Variants in OR11H4 observed in about 807,000 individuals in gnomAD.
The protein encoded by OR11H4 is olfactory receptor 11H4.
For synonymous variants in OR11H4, 162 were observed against 142.3 expected (o/e 1.14, Z -0.98); for missense variants, 460 against 371.1 (o/e 1.24, Z -1.97).
intron 1 of OR11H4, among the ~76,000 whole-genome samples, chr14:20,242,053 G>A (rs8009898): frequency 0.25 from 38,573 of 151,582 alleles, 4,970 homozygotes; most frequent in Middle Eastern, 0.28. Context: ...GTTCCCAGGG[G>A]CAAGCAGGAG....
At chr14:20,242,677 T>A (rs1880960714) in intron 1 of OR11H4, 134 bp from the exon 2 acceptor site, 2 of 998,738 alleles carry the variant, frequency 2.0e-6, no homozygotes, top group Admixed American at 4.7e-5. Context: ...TATTCCCACC[T>A]GGTCTCAGAT....
At position 20,243,282 on chromosome 14, in the gene OR11H4, T is replaced by C. The variant is rs1479251035; in HGVS notation, c.461T>C (p.Leu154Pro). Residue 154 changes from leucine (L) to proline (P), a missense_variant, in exon 2 of 2, where the codon CTT becomes CCT. Physicochemically the swap from Leu to Pro is moderately conservative, Grantham distance 98. Coordinates refer to ENST00000641082, the MANE Select transcript of OR11H4 (RefSeq NM_001004479.2). Reference protein sequence around the residue: ...LVSFCWLIGFLGYPIPIFYIS... With the variant: ...LVSFCWLIGFPGYPIPIFYIS... ...TCTTTCTGTTGGCTTATTGGATTCC[T>C]TGGATACCCAATTCCCATTTTCTAC... is the stretch of plus-strand genomic sequence containing the variant. 4 of 1,614,150 alleles carry C rather than the reference T, an allele frequency of 2.5e-6. No individual in the cohort carries two copies. Among genetic ancestry groups the C allele is most frequent in the Non-Finnish European group, 2.5e-6 (3 of 1,179,990 alleles).
intron 1 of OR11H4, among the ~76,000 whole-genome samples, chr14:20,240,883 C>T (rs1025921072): frequency 6.6e-6 from 1 of 151,952 alleles, no homozygotes; most frequent in African/African-American, 2.4e-5. Flanking sequence ...GCCAAAACTA[C>T]CACTTTTTTA....
rs185062281 is a variant in OR11H4, at chr14:20,241,982, G to A, written c.-11-829G>A. Among the ~76,000 whole-genome samples the A allele has an allele frequency of 1.3e-3, 203 of 152,080 alleles. 1 individual carries two copies. Among genetic ancestry groups the A allele is most frequent in the East Asian group, 3.7e-3 (19 of 5,154 alleles). On this transcript the variant is annotated intron_variant, in intron 1 of 1. Coordinates refer to ENST00000641082, the MANE Select transcript of OR11H4 (RefSeq NM_001004479.2). ...CATGTCTCGCTTCCCACCATAGGGC[G>A]GTTTTTCTCCTATCTCAGAATTGAA...
intron 1 of OR11H4, 138 bp from the exon 2 acceptor site, chr14:20,242,673 C>T: frequency 1.0e-6 from 1 of 960,632 alleles, no homozygotes; most frequent in Non-Finnish European, 1.6e-6. Context: ...GACATATTCC[C>T]ACCTGGTCTC....
chr14:20,242,145 C>A (rs8005691), intron 1 of OR11H4, among the ~76,000 whole-genome samples: 11,533 of 151,278 alleles, frequency 0.076, 895 homozygotes, highest in South Asian at 0.19. Context: ...TACGGGTGTC[C>A]GGCTGGGGGA....
Position 20,243,283 on chromosome 14 carries a change from TG to T in OR11H4, c.464del (p.Gly155AspfsTer30). On this transcript the variant is annotated frameshift_variant, in exon 2 of 2. Coordinates refer to ENST00000641082, the MANE Select transcript of OR11H4 (RefSeq NM_001004479.2). LOFTEE classifies it low-confidence loss of function (END_TRUNC). The stretch of plus-strand genomic sequence containing the variant: ...CTTTCTGTTGGCTTATTGGATTCCT[TG>T]GATACCCAATTCCCATTTTCTACAT... ...VSFCWLIGFL[G>X]YPIPIFYISQ... is the part of the protein sequence containing the mutation. The T allele has an allele frequency of 1.2e-6, 2 of 1,614,154 alleles. No homozygotes were observed. The highest frequency in any genetic ancestry group is 2.2e-5 in the South Asian group (2 of 91,078).
intron 1 of OR11H4, among the ~76,000 whole-genome samples, chr14:20,241,725 C>G (rs1312398240): frequency 2.0e-5 from 3 of 152,060 alleles, no homozygotes; most frequent in Non-Finnish European, 4.4e-5. Context: ...TCTGAGTTCC[C>G]TCAGTTTTTA....
In OR11H4 at chr14:20,243,836, T is replaced by A; in HGVS notation, c.*70T>A. The A allele has an allele frequency of 6.9e-7, 1 of 1,451,526 alleles. No homozygotes were observed. 89.9% of individuals were successfully genotyped at this position (1,451,526 alleles called of 1,614,324 possible). On this transcript the variant is annotated 3_prime_UTR_variant, in exon 2 of 2. Coordinates refer to ENST00000641082, the MANE Select transcript of OR11H4 (RefSeq NM_001004479.2). ...CGAGATGTTGTCAGTTCTTTAGCAG[T>A]CTTTCAGTCCTCAGTCTGAGTAGTT...
At position 20,243,321 on chromosome 14, in the gene OR11H4, C is replaced by T. The variant is rs746462792; in HGVS notation, c.500C>T (p.Pro167Leu). ...PIPIFYISQL[P>L]FCGPNIIDHF... ...CCCATTTTCTACATCTCCCAACTCC[C>T]CTTCTGTGGTCCTAATATCATTGAT... is the stretch of plus-strand genomic sequence containing the variant. The change falls in exon 2 of 2, where the codon CCC becomes CTC. Residue 167 changes from proline to leucine, a missense_variant. Coordinates refer to ENST00000641082, the MANE Select transcript of OR11H4 (RefSeq NM_001004479.2). 20 of 1,613,904 alleles carry T rather than the reference C, an allele frequency of 1.2e-5. No individual in the cohort carries two copies. In the African/African-American group the frequency reaches 2.4e-4, roughly 19 times the overall value.
intron 1 of OR11H4, among the ~76,000 whole-genome samples, chr14:20,241,809 G>A (rs926391699): frequency 2.9e-4 from 44 of 152,128 alleles, no homozygotes; most frequent in African/African-American, 9.4e-4. Flanking sequence ...GAGAAGGTCA[G>A]CAAAAAACAT....
Position 20,243,068 on chromosome 14 carries a change from G to A in OR11H4, c.247G>A (p.Val83Ile). The change falls in exon 2 of 2, where the codon GTC becomes ATC. Residue 83 changes from valine (V) to isoleucine (I), a missense_variant. Physicochemically the swap from Val to Ile is conservative, Grantham distance 29. Transcript: ENST00000641082. ...YVSSTIPNML[V>I]NILSKTKAIS... ...GTCCTCCACTATTCCTAACATGCTA[G>A]TCAACATTCTCTCCAAGACCAAGGC... 1 of 1,614,108 alleles carries A rather than the reference G, an allele frequency of 6.2e-7. No individual in the cohort carries two copies. The highest frequency in any genetic ancestry group is 8.5e-7 in the Non-Finnish European group (1 of 1,180,034).
At chr14:20,241,541 T>G in intron 1 of OR11H4, among the ~76,000 whole-genome samples, 1 of 152,190 alleles carries the variant, frequency 6.6e-6, no homozygotes. Flanking sequence ...TTTGTCTGGT[T>G]CTGCCACTAG....
At position 20,243,597 on chromosome 14, in the gene OR11H4, A is replaced by G. The variant is rs757288632; in HGVS notation, c.776A>G (p.Tyr259Cys). 12 of 1,613,934 alleles carry G rather than the reference A, an allele frequency of 7.4e-6. No individual in the cohort carries two copies. The highest frequency in any genetic ancestry group is 1.0e-5 in the Non-Finnish European group (12 of 1,179,856). ...SLFYGTVMVM[Y>C]VSPTYGIPTL... Reference sequence around the variant, plus strand: ...TTCTATGGGACAGTCATGGTAATGTATGTAAGTCCTACATATGGGATCCCA... The same window carrying G: ...TTCTATGGGACAGTCATGGTAATGTGTGTAAGTCCTACATATGGGATCCCA... The change falls in exon 2 of 2, where the codon TAT becomes TGT. Residue 259 changes from tyrosine (Y) to cysteine (C), a missense_variant. Transcript: ENST00000641082.
intron 1 of OR11H4, among the ~76,000 whole-genome samples, chr14:20,242,095 G>A (rs975041917): frequency 2.0e-5 from 3 of 151,946 alleles, no homozygotes; most frequent in East Asian, 1.9e-4. Context: ...AACTGCAAGA[G>A]GCTTTCCTCT....
Position 20,243,721 on chromosome 14 carries a change from T to G in OR11H4, c.900T>G (p.Ala300=). 6.2e-7 allele frequency: 1 copy of G among 1,600,468 alleles called. No homozygotes were observed. Among genetic ancestry groups the G allele is most frequent in the Non-Finnish European group, 8.5e-7 (1 of 1,173,748 alleles). ...YTLRNKDMKL[A]LRNVLFGMRI... is the part of the protein sequence containing the mutation. ...TTCGTAATAAGGACATGAAACTCGC[T>G]CTGAGAAATGTCCTGTTTGGAATGA... Residue 300 remains alanine (A), a synonymous_variant, in exon 2 of 2, where the codon GCT becomes GCG. Coordinates refer to ENST00000641082, the MANE Select transcript of OR11H4 (RefSeq NM_001004479.2).
rs1880969157 is a variant in OR11H4, at chr14:20,242,945, A to AATGGAGCCATCATCTATGCAGTGAG, written c.128_152dup (p.Cys51TrpfsTer28). 6.2e-7 allele frequency: 1 copy of AATGGAGCCATCATCTATGCAGTGAG among 1,613,956 alleles called. No homozygotes were observed. ...GATTTATGTCTTGACCTTGCTGGGAAATGGAGCCATCATCTATGCAGTGAG... is the reference window on the plus strand; with the variant it reads ...GATTTATGTCTTGACCTTGCTGGGAAATGGAGCCATCATCTATGCAGTGAGATGGAGCCATCATCTATGCAGTGAG... On this transcript the variant is annotated frameshift_variant, in exon 2 of 2. Transcript: ENST00000641082. LOFTEE classifies it low-confidence loss of function (END_TRUNC).
At chr14:20,239,526 C>A (rs888618198) in intron 1 of OR11H4, among the ~76,000 whole-genome samples, 195 bp downstream of exon 1, 1 of 152,034 alleles carries the variant, frequency 6.6e-6, no homozygotes, top group African/African-American at 2.4e-5. Flanking sequence ...AACCCCGTCT[C>A]TACTAAAAAT....
At chr14:20,241,172 G>C (rs8014413) in intron 1 of OR11H4, among the ~76,000 whole-genome samples, 8,995 of 151,768 alleles carry the variant, frequency 0.059, 662 homozygotes, top group African/African-American at 0.18. Context: ...TTTTTGTATA[G>C]AAAACATCAT....
Sources: allele counts gnomAD v4.1 joint callset (sites outside exome capture counted in the v4.1 genomes callset), GRCh38; gene constraint gnomAD v4.1.1; transcripts MANE v1.5; gene names NCBI Gene and HGNC (gene_info 2026-07-23, HGNC 2026-07-21).